MOSMO: variants seen among roughly 807,000 people sequenced by gnomAD.
The protein encoded by MOSMO is modulator of smoothened.
In MOSMO, 5 loss-of-function variants were observed where a neutral mutation model predicts 18.4. The ratio of observed to expected loss-of-function variants is 0.27; its 90% CI spans 0.14 to 0.57. The LOEUF is 0.57. MOSMO is among the 20% of genes least tolerant of loss of function. MOSMO has a pLI of 0.92. For missense variants in MOSMO, 138 were observed against 211.8 expected, an observed-to-expected ratio of 0.65 and a Z score of 2.16; for synonymous variants, 82 against 82.3, an observed-to-expected ratio of 1.00 and a Z score of 0.02.
At chr16:22,051,998 A>T (rs12925797) in intron 1 of MOSMO, among the ~76,000 whole-genome samples, 12,850 of 152,176 alleles carry the variant, frequency 0.084, 755 homozygotes, top group South Asian at 0.25. Flanking sequence ...TTTTTTTCCT[A>T]TATATATGTG....
chr16:22,069,683 A>C (rs534490410), intron 1 of MOSMO, among the ~76,000 whole-genome samples: 1 of 152,266 alleles, frequency 6.6e-6, no homozygotes, highest in South Asian at 2.1e-4. Flanking sequence ...CAAGAGCTCT[A>C]TCAAAATGGT....
At chr16:22,018,251 G>T (rs1322396400) in intron 1 of MOSMO, among the ~76,000 whole-genome samples, 1 of 152,106 alleles carries the variant, frequency 6.6e-6, no homozygotes, top group African/African-American at 2.4e-5. Context: ...ATGCAGTTGG[G>T]TGGGTCAAGT....
chr16:22,043,197 C>A (rs893515573), intron 1 of MOSMO, among the ~76,000 whole-genome samples: 4 of 152,198 alleles, frequency 2.6e-5, no homozygotes, highest in Middle Eastern at 3.4e-3. Context: ...CTGTCTTAGG[C>A]CATTAGGTTG....
At chr16:22,090,112 A>C (rs1901270002), downstream of MOSMO, 12 of 152,208 alleles carry the variant, frequency 7.9e-5, no homozygotes, top group Admixed American at 7.9e-4. Flanking sequence ...ATGGTGACAG[A>C]TTCAGAAATT....
rs1407546742 is a variant in MOSMO at position 22,083,449 on chromosome 16, T to A, written c.*2569T>A. The A allele has an allele frequency of 3.6e-6, 1 of 281,360 alleles. No individual in the cohort carries two copies. Among genetic ancestry groups the A allele is most frequent in the Admixed American group, 5.5e-5 (1 of 18,268 alleles). The allele number at this position is 281,360 out of a possible 1,614,324, so 17.4% of individuals were successfully genotyped here. On this transcript the variant is annotated 3_prime_UTR_variant, in exon 3 of 3. Coordinates refer to ENST00000542527, the MANE Select transcript of MOSMO (RefSeq NM_001164579.2). ...TATGTGAAGTCAAGTCTTCGTACTCTTGCAGACCAGACATTGAAATGGATT... is the reference window on the plus strand; with the variant it reads ...TATGTGAAGTCAAGTCTTCGTACTCATGCAGACCAGACATTGAAATGGATT...
chr16:22,051,428 C>CA (rs1368116799), intron 1 of MOSMO, among the ~76,000 whole-genome samples: 2 of 151,218 alleles, frequency 1.3e-5, no homozygotes, highest in Non-Finnish European at 3.0e-5. Context: ...TTTCTACATA[C>CA]AAAAAAAATC....
intron 1 of MOSMO, among the ~76,000 whole-genome samples, chr16:22,020,682 G>A (rs1899742349): frequency 6.6e-6 from 1 of 152,172 alleles, no homozygotes; most frequent in South Asian, 2.1e-4. Flanking sequence ...TTCTAGGCTA[G>A]CCCACAAGTC....
intron 1 of MOSMO, among the ~76,000 whole-genome samples, chr16:22,056,787 A>G (rs1900547369): frequency 6.6e-6 from 1 of 152,144 alleles, no homozygotes; most frequent in African/African-American, 2.4e-5. Flanking sequence ...TCCGTTAGGA[A>G]CCAACATACT....
chr16:22,010,328 G>T (rs1250061955), intron 1 of MOSMO, among the ~76,000 whole-genome samples: 1 of 152,152 alleles, frequency 6.6e-6, no homozygotes, highest in Non-Finnish European at 1.5e-5. Context: ...TGAAAATATT[G>T]TTGCTGCCCG....
intron 1 of MOSMO, among the ~76,000 whole-genome samples, chr16:22,032,827 T>C (rs959670800): frequency 7.2e-5 from 11 of 152,152 alleles, no homozygotes; most frequent in Admixed American, 6.5e-4. Context: ...GCATTACAGG[T>C]GTGAGCCACC....
chr16:22,028,367 TG>T (rs899882512), intron 1 of MOSMO, among the ~76,000 whole-genome samples: 7 of 98,926 alleles, frequency 7.1e-5, no homozygotes, highest in African/African-American at 9.2e-5. Flanking sequence ...ATCTTTTTTA[TG>T]TTTTTTTTTT....
At chr16:22,053,579 A>G (rs572319181) in intron 1 of MOSMO, among the ~76,000 whole-genome samples, 91 of 152,166 alleles carry the variant, frequency 6.0e-4, no homozygotes, top group African/African-American at 2.2e-3. Context: ...AAGGCGGGCA[A>G]ATCACTTGAG....
chr16:22,067,641 C>T (rs1900772430), intron 1 of MOSMO, among the ~76,000 whole-genome samples: 1 of 152,144 alleles, frequency 6.6e-6, no homozygotes, highest in South Asian at 2.1e-4. Flanking sequence ...AGGCAGATCA[C>T]TTGAGGTCAG....
intron 1 of MOSMO, among the ~76,000 whole-genome samples, chr16:22,065,226 T>A (rs1411657227): frequency 6.6e-6 from 1 of 152,160 alleles, no homozygotes; most frequent in Non-Finnish European, 1.5e-5. Context: ...AAACAGGTGG[T>A]AATAGTTGTC....
intron 2 of MOSMO, among the ~76,000 whole-genome samples, chr16:22,076,819 C>T (rs1232500885): frequency 6.6e-6 from 1 of 152,140 alleles, no homozygotes; most frequent in Non-Finnish European, 1.5e-5. Context: ...GAAATTGATA[C>T]TCTTTAATGT....
intron 1 of MOSMO, among the ~76,000 whole-genome samples, chr16:22,040,546 C>A (rs1484775713): frequency 6.6e-6 from 1 of 152,148 alleles, no homozygotes; most frequent in Non-Finnish European, 1.5e-5. Context: ...AAGGTATCTG[C>A]CTTCAATAAC....
chr16:22,068,473 A>G (rs896637151), intron 1 of MOSMO, among the ~76,000 whole-genome samples: 4 of 152,214 alleles, frequency 2.6e-5, no homozygotes, highest in Non-Finnish European at 5.9e-5. Context: ...ACTATCACCA[A>G]TGTCTAATTC....
intron 1 of MOSMO, among the ~76,000 whole-genome samples, chr16:22,045,326 T>C (rs981666689): frequency 2.0e-5 from 3 of 152,162 alleles, no homozygotes; most frequent in Non-Finnish European, 2.9e-5. Flanking sequence ...AAAAATGTGA[T>C]GTTTTCTGAT....
chr16:22,078,700 C>T (rs1901021376), intron 2 of MOSMO, among the ~76,000 whole-genome samples: 1 of 152,066 alleles, frequency 6.6e-6, no homozygotes, highest in Non-Finnish European at 1.5e-5. Context: ...AATAATTTTG[C>T]CCCATTGTTT....
Sources: gnomAD v4.1 joint callset for allele counts (sites outside exome capture counted in the v4.1 genomes callset) on GRCh38, gnomAD v4.1.1 for gene constraint, MANE v1.5 for transcripts, NCBI Gene and HGNC (gene_info 2026-07-23, HGNC 2026-07-21) for gene names.